The following NHSL3 variants were observed in gnomAD, a reference collection of about 807,000 sequenced individuals.
NHSL3 encodes NHS like 3, also known as NHS-like protein 3.
the NHSL3 span, chr1:32,769,926 T>C: frequency 1.2e-6 from 2 of 1,607,700 alleles, no homozygotes; most frequent in South Asian, 2.2e-5. Context: ...GGGCTCCTGG[T>C]GCACGGGATG....
At chr1:32,756,657 CAAAAAAAAAAA>C in the NHSL3 span, among the ~76,000 whole-genome samples, 194 of 49,980 alleles carry the variant, frequency 3.9e-3, 3 homozygotes, top group Non-Finnish European at 4.5e-3. Flanking sequence ...ACCCTGTCTC[CAAAAAAAAAAA>C]AAAAAAAAAA....
the NHSL3 span, chr1:32,771,731 A>G: frequency 1.2e-6 from 2 of 1,613,660 alleles, no homozygotes; most frequent in Non-Finnish European, 1.7e-6. Flanking sequence ...GCCCCAGGGC[A>G]TGTGGCCAAG....
chr1:32,766,992 T>C, the NHSL3 span, among the ~76,000 whole-genome samples: 1 of 152,110 alleles, frequency 6.6e-6, no homozygotes, highest in East Asian at 1.9e-4. Context: ...TGGAGGGGCC[T>C]GGGTCTTTCT....
chr1:32,752,934 CACACACACACACACACATATATATATAT>C, the NHSL3 span, among the ~76,000 whole-genome samples: 725 of 9,594 alleles, frequency 0.076, 19 homozygotes, highest in African/African-American at 0.13. Flanking sequence ...CACACACACA[CACACACACACACACACATATATATATAT>C]ATATATTTTG....
chr1:32,773,220 T>C, the NHSL3 span: 1 of 413,360 alleles, frequency 2.4e-6, no homozygotes, highest in Non-Finnish European at 4.4e-6. Context: ...GCAGGACACC[T>C]CACCTGAGTT....
the NHSL3 span, among the ~76,000 whole-genome samples, chr1:32,753,624 A>G: frequency 1.3e-5 from 2 of 152,268 alleles, no homozygotes; most frequent in Non-Finnish European, 2.9e-5. Context: ...GAACACTGTA[A>G]CTACAGAAAT....
chr1:32,771,690 A>G, the NHSL3 span: 3 of 1,611,730 alleles, frequency 1.9e-6, no homozygotes, highest in Non-Finnish European at 2.5e-6. Context: ...ACCCTCCTCC[A>G]GCTCCGCCAG....
the NHSL3 span, chr1:32,768,110 G>C: frequency 6.2e-7 from 1 of 1,602,774 alleles, no homozygotes; most frequent in Admixed American, 1.7e-5. Context: ...GACACCCAGA[G>C]TATCCAGGTG....
chr1:32,772,994 G>A, the NHSL3 span: 7 of 1,109,706 alleles, frequency 6.3e-6, no homozygotes, highest in Non-Finnish European at 8.3e-6. Context: ...CTAATAGAGA[G>A]GGCGCCTGCA....
the NHSL3 span, among the ~76,000 whole-genome samples, chr1:32,753,742 T>C: frequency 6.6e-6 from 1 of 152,166 alleles, no homozygotes; most frequent in South Asian, 2.1e-4. Flanking sequence ...CCCAGCTCCA[T>C]TGCACTCCTC....
chr1:32,769,319 C>A, the NHSL3 span, among the ~76,000 whole-genome samples: 1 of 152,042 alleles, frequency 6.6e-6, no homozygotes, highest in Non-Finnish European at 1.5e-5. Flanking sequence ...CTAACTAGTG[C>A]CAGCTGTGTG....
chr1:32,767,660 G>T, the NHSL3 span: 1 of 740,628 alleles, frequency 1.4e-6, no homozygotes, highest in Non-Finnish European at 2.2e-6. Context: ...CTGGGGAAGG[G>T]GGCATTGCTT....
At chr1:32,748,332 T>C in the NHSL3 span, among the ~76,000 whole-genome samples, 2 of 152,112 alleles carry the variant, frequency 1.3e-5, no homozygotes, top group African/African-American at 2.4e-5. Flanking sequence ...GAGTCCATTA[T>C]GAACAATGTC....
chr1:32,753,656 TAC>T, the NHSL3 span, among the ~76,000 whole-genome samples: 4 of 152,232 alleles, frequency 2.6e-5, no homozygotes, highest in African/African-American at 9.6e-5. Flanking sequence ...GATACATTTG[TAC>T]ACACAGGCAC....
At chr1:32,772,299 T>C in the NHSL3 span, 46 of 1,328,338 alleles carry the variant, frequency 3.5e-5, no homozygotes, top group Non-Finnish European at 4.5e-5. Flanking sequence ...CCTCCCCCAG[T>C]TACCCTCGAG....
At chr1:32,750,753 G>A in the NHSL3 span, among the ~76,000 whole-genome samples, 7 of 151,966 alleles carry the variant, frequency 4.6e-5, no homozygotes, top group South Asian at 2.1e-4. Context: ...TGATCTGCCC[G>A]CCTCAGCCTT....
the NHSL3 span, chr1:32,765,689 G>A: frequency 1.3e-6 from 2 of 1,539,784 alleles, no homozygotes; most frequent in Non-Finnish European, 1.7e-6. Flanking sequence ...CATAGTGCTG[G>A]GTTACAGTGA....
chr1:32,751,492 G>T, the NHSL3 span, among the ~76,000 whole-genome samples: 3 of 152,180 alleles, frequency 2.0e-5, no homozygotes, highest in Non-Finnish European at 4.4e-5. Flanking sequence ...AACTGTTCTG[G>T]TTGGAAAGGC....
At chr1:32,772,400 A>T in the NHSL3 span, 2 of 1,555,678 alleles carry the variant, frequency 1.3e-6, no homozygotes, top group Non-Finnish European at 1.7e-6. Context: ...GGTGTCCTGC[A>T]GCTGGTGGGC....
Sources: gnomAD v4.1 joint callset for allele counts (sites outside exome capture counted in the v4.1 genomes callset) on GRCh38, gnomAD v4.1.1 for gene constraint, MANE v1.5 for transcripts, NCBI Gene and HGNC (gene_info 2026-07-23, HGNC 2026-07-21) for gene names.